NVL: variants seen among roughly 807,000 people sequenced by gnomAD.
NVL encodes the protein nuclear VCP like.
Under a neutral mutation model 110.2 loss-of-function variants are expected in NVL, and 84 were observed. The observed-to-expected ratio is 0.76, with a 90% confidence interval of 0.64 to 0.91. The LOEUF (loss-of-function observed/expected upper bound fraction) is 0.91. Among genes scored for constraint, NVL ranks in the 40% least tolerant of loss-of-function variants. NVL has a pLI of 0.00. For missense variants in NVL, 882 were observed against 1,035.9 expected (o/e 0.85, Z 2.04); for synonymous variants, 354 against 361.1 (o/e 0.98, Z 0.22).
Position 224,268,110 on chromosome 1 carries a change from C to T in NVL, c.2106G>A (p.Val702=). 1 of 1,613,924 alleles carries T rather than the reference C, an allele frequency of 6.2e-7. No homozygotes were observed. The highest frequency in any genetic ancestry group is 8.5e-7 in the Non-Finnish European group (1 of 1,179,888). Residue 702 remains valine (V), a synonymous_variant, in exon 18 of 23, where the codon GTG becomes GTA. Coordinates refer to ENST00000281701, the MANE Select transcript of NVL (RefSeq NM_002533.4). The stretch of plus-strand genomic sequence containing the variant: ...CATCCATCTCTGTAAGTAGCTGATT[C>T]ACCACTCGGACACTTGCCCCTGTCT... The part of the protein sequence containing the change: ...DRETGASVRV[V]NQLLTEMDGL...
rs114882542 is a variant in NVL at position 224,305,526 on chromosome 1, G to A, written c.616-360C>T. The A allele has an allele frequency of 3.6e-3, 591 of 165,494 alleles. 4 individuals carry two copies. The highest frequency in any genetic ancestry group is 0.013 in the African/African-American group (554 of 41,904). The allele number at this position is 165,494 out of a possible 1,614,324, so 10.3% of individuals were successfully genotyped here. On this transcript the variant is annotated intron_variant, in intron 6 of 22. Coordinates refer to ENST00000281701, the MANE Select transcript of NVL (RefSeq NM_002533.4). Reference sequence around the variant, plus strand: ...AAAGAAATCTTAACATTTGAATGCCGCTTCTTTTCCAGATTCTTTCAGTTA... The same window carrying A: ...AAAGAAATCTTAACATTTGAATGCCACTTCTTTTCCAGATTCTTTCAGTTA...
chr1:224,237,295 G>A (rs1019430667), intron 19 of NVL, among the ~76,000 whole-genome samples: 2 of 152,188 alleles, frequency 1.3e-5, no homozygotes, highest in African/African-American at 4.8e-5. Context: ...GAGAGAAGGA[G>A]CAGTATCTGC....
At chr1:224,238,487 C>A (rs1320724610) in intron 19 of NVL, among the ~76,000 whole-genome samples, 2 of 152,202 alleles carry the variant, frequency 1.3e-5, no homozygotes, top group Admixed American at 1.3e-4. Flanking sequence ...TGCCTCCCAG[C>A]AGGGCATGTT....
intron 6 of NVL, 198 bp from the exon 7 acceptor site, chr1:224,305,364 T>C: frequency 1.9e-6 from 1 of 540,202 alleles, no homozygotes. Flanking sequence ...AAGCTCAGTT[T>C]AAATCTTAAC....
chr1:224,251,388 C>T (rs955827210), intron 18 of NVL, among the ~76,000 whole-genome samples: 3 of 149,160 alleles, frequency 2.0e-5, no homozygotes, highest in African/African-American at 7.4e-5. Context: ...CATCAAAATA[C>T]ATCTCTTCGG....
intron 18 of NVL, among the ~76,000 whole-genome samples, chr1:224,261,065 G>A (rs1378089382): frequency 2.0e-5 from 3 of 151,704 alleles, no homozygotes; most frequent in Non-Finnish European, 2.9e-5. Flanking sequence ...TAGTAGAGAC[G>A]GGGTTTCACC....
At position 224,289,751 on chromosome 1, in the gene NVL, G is replaced by GAA; in HGVS notation, c.1326-20_1326-19dup. The GAA allele has an allele frequency of 6.3e-7, 1 of 1,586,098 alleles. No individual in the cohort carries two copies. Among genetic ancestry groups the GAA allele is most frequent in the South Asian group, 1.1e-5 (1 of 87,678 alleles). ...GAAGTATTCTGTAGAAAAGACAGGG[G>GAA]AAAAAATTTCTGATTCCTGATCTAA... On this transcript the variant is annotated intron_variant, in intron 12 of 22. Coordinates refer to ENST00000281701, the MANE Select transcript of NVL (RefSeq NM_002533.4).
At chr1:224,256,754 C>T (rs977927954) in intron 18 of NVL, among the ~76,000 whole-genome samples, 2 of 152,142 alleles carry the variant, frequency 1.3e-5, no homozygotes, top group African/African-American at 4.8e-5. Context: ...CTCTTCCTAG[C>T]TCTTCCCTAA....
intron 2 of NVL, among the ~76,000 whole-genome samples, chr1:224,321,521 A>G (rs1202623441): frequency 6.6e-6 from 1 of 152,234 alleles, no homozygotes; most frequent in Non-Finnish European, 1.5e-5. Context: ...GTTCAAGACC[A>G]GACTGGCCAA....
intron 18 of NVL, among the ~76,000 whole-genome samples, chr1:224,256,737 T>C (rs1197772561): frequency 3.9e-5 from 6 of 152,206 alleles, no homozygotes; most frequent in Non-Finnish European, 8.8e-5. Flanking sequence ...AGAAATGAGA[T>C]GCTAATCTCT....
intron 2 of NVL, among the ~76,000 whole-genome samples, chr1:224,320,966 T>C (rs1307850046): frequency 6.6e-6 from 1 of 152,136 alleles, no homozygotes; most frequent in African/African-American, 2.4e-5. Flanking sequence ...AAAAGGCAAC[T>C]TGGGGCCTGG....
At chr1:224,314,153 G>T (rs567843599) in intron 4 of NVL, among the ~76,000 whole-genome samples, 1 of 152,212 alleles carries the variant, frequency 6.6e-6, no homozygotes, top group Non-Finnish European at 1.5e-5. Context: ...TTTTAGGAAG[G>T]TAAGTCCAAA....
At chr1:224,230,228 A>T (rs947403718) in intron 22 of NVL, among the ~76,000 whole-genome samples, 2 of 152,198 alleles carry the variant, frequency 1.3e-5, no homozygotes, top group Non-Finnish European at 2.9e-5. Context: ...TAGTTTGGGT[A>T]CAGTCTAGCT....
chr1:224,263,870 C>G (rs1664219733), intron 18 of NVL, among the ~76,000 whole-genome samples: 1 of 152,074 alleles, frequency 6.6e-6, no homozygotes, highest in Admixed American at 6.6e-5. Context: ...ACAAAATTAG[C>G]CGGGTGTGGT....
At chr1:224,323,439 G>C (rs1670848483) in intron 2 of NVL, among the ~76,000 whole-genome samples, 1 of 152,146 alleles carries the variant, frequency 6.6e-6, no homozygotes, top group African/African-American at 2.4e-5. Context: ...ACAACAATTT[G>C]CTAAAGCGAT....
chr1:224,228,680 C>G (rs1659479513), intron 22 of NVL, among the ~76,000 whole-genome samples: 1 of 150,006 alleles, frequency 6.7e-6, no homozygotes, highest in African/African-American at 2.4e-5. Flanking sequence ...TGGCTCACAC[C>G]TGTAATCCCA....
chr1:224,231,161 G>A, intron 22 of NVL, 65 bp downstream of exon 22: 2 of 1,003,144 alleles, frequency 2.0e-6, no homozygotes, highest in Non-Finnish European at 3.1e-6. Context: ...TTTAATTCAT[G>A]AGGTCATATC....
At position 224,305,086 on chromosome 1, in the gene NVL, T is replaced by C. The variant is rs1668787583; in HGVS notation, c.696A>G (p.Lys232=). ...CTCCATCTACTTCCTGAAGATCTTC[T>C]TTCTTCCTTTTGCTTCCTTTATTCT... The part of the protein sequence containing the change: ...KLKNKGSKRK[K]EDLQEVDGEI... Residue 232 remains lysine, a synonymous_variant, in exon 7 of 23, where the codon AAA becomes AAG. Transcript: ENST00000281701. 2 of 1,613,868 alleles carry C rather than the reference T, an allele frequency of 1.2e-6. No individual in the cohort carries two copies. Among genetic ancestry groups the C allele is most frequent in the Non-Finnish European group, 1.7e-6 (2 of 1,179,896 alleles).
intron 13 of NVL, 120 bp downstream of exon 13, chr1:224,289,364 A>T: frequency 1.0e-6 from 1 of 966,256 alleles, no homozygotes; most frequent in Non-Finnish European, 1.5e-6. Flanking sequence ...TAAGTATTCT[A>T]TAGATTAAAT....
Sources: allele counts gnomAD v4.1 joint callset (sites outside exome capture counted in the v4.1 genomes callset), GRCh38; gene constraint gnomAD v4.1.1; transcripts MANE v1.5; gene names NCBI Gene and HGNC (gene_info 2026-07-23, HGNC 2026-07-21).